The following CEP350 variants were observed in gnomAD, a reference collection of about 807,000 sequenced individuals.
The protein encoded by CEP350 is centrosome-associated protein 350.
Under a neutral mutation model 331.8 loss-of-function variants are expected in CEP350, and 126 were observed. The ratio of observed to expected loss-of-function variants is 0.38; its 90% CI spans 0.33 to 0.44. The LOEUF (loss-of-function observed/expected upper bound fraction) is 0.44. Among genes scored for constraint, CEP350 ranks in the 20% least tolerant of loss-of-function variants. CEP350 has a pLI of 1.00. For synonymous variants in CEP350, 1,200 were observed against 1,259.5 expected (o/e 0.95, Z 1.00); for missense variants, 3,406 against 3,634.6 (o/e 0.94, Z 1.62).
intron 25 of CEP350, among the ~76,000 whole-genome samples, chr1:180,056,237 G>A (rs1657831469): frequency 6.6e-6 from 1 of 151,858 alleles, no homozygotes; most frequent in Non-Finnish European, 1.5e-5. Flanking sequence ...ATTATTTACT[G>A]CTTTCCATTG....
chr1:180,094,647 A>G, intron 34 of CEP350, 31 bp downstream of exon 34: 2 of 1,588,494 alleles, frequency 1.3e-6, no homozygotes, highest in South Asian at 2.3e-5. Context: ...AAGTATCAGT[A>G]TACCTTTTGA....
At chr1:180,086,017 G>A (rs149112085) in intron 31 of CEP350, 104 of 152,300 alleles carry the variant, frequency 6.8e-4, no homozygotes, top group African/African-American at 2.4e-3. Context: ...CTCATAAATG[G>A]TGAAACTAGG....
rs1231477551 is a variant in CEP350, at chr1:180,112,948, ATGT to A, written c.*1791_*1793del. The stretch of plus-strand genomic sequence containing the variant: ...CTTGACAAATAAGGAAAGCACTGAA[ATGT>A]TGTGATTGGGTCTCGGGAAATGCTC... On this transcript the variant is annotated 3_prime_UTR_variant, in exon 38 of 38. Coordinates refer to ENST00000367607, the MANE Select transcript of CEP350 (RefSeq NM_014810.5). 1.3e-5 allele frequency: 2 copies of A among 152,620 alleles called. No homozygotes were observed. The highest frequency in any genetic ancestry group is 4.8e-5 in the African/African-American group (2 of 41,436). The allele number at this position is 152,620 out of a possible 1,614,324, so 9.5% of individuals were successfully genotyped here.
chr1:180,050,688 A>C (rs950331588), intron 22 of CEP350, among the ~76,000 whole-genome samples: 2 of 148,792 alleles, frequency 1.3e-5, no homozygotes, highest in African/African-American at 2.5e-5. Context: ...AAAAAAAAAA[A>C]AACAAAAAAA....
intron 11 of CEP350, among the ~76,000 whole-genome samples, chr1:180,019,310 C>T (rs1558104324): frequency 6.6e-6 from 1 of 152,094 alleles, no homozygotes; most frequent in Non-Finnish European, 1.5e-5. Flanking sequence ...TTAATGGATA[C>T]CCTACCCTGT....
chr1:180,074,942 G>A, intron 27 of CEP350, 80 bp from the exon 28 acceptor site: 1 of 1,203,974 alleles, frequency 8.3e-7, no homozygotes. Context: ...TGTTGATAAG[G>A]TGGTGAGTGA....
intron 29 of CEP350, 128 bp from the exon 30 acceptor site, chr1:180,080,389 C>A: frequency 2.5e-6 from 2 of 785,280 alleles, no homozygotes; most frequent in East Asian, 2.8e-5. Context: ...ACTTTTTTCA[C>A]TTATGTCTTA....
chr1:180,041,074 G>T (rs1265626111), intron 17 of CEP350, 64 bp from the exon 18 acceptor site: 3 of 1,184,948 alleles, frequency 2.5e-6, no homozygotes, highest in Non-Finnish European at 3.7e-6. Flanking sequence ...CATTGTGTGT[G>T]TTATAGTCAC....
chr1:180,044,941 A>G (rs1458843456), intron 21 of CEP350, among the ~76,000 whole-genome samples: 1 of 151,908 alleles, frequency 6.6e-6, no homozygotes, highest in Non-Finnish European at 1.5e-5. Flanking sequence ...ATAATGATAC[A>G]TCAAGGAATT....
chr1:179,979,377 G>T lies in CEP350; in HGVS notation c.-13-6792G>T, dbSNP rs147937512. Among the ~76,000 whole-genome samples the T allele has an allele frequency of 5.9e-3, 804 of 136,712 alleles. 2 individuals are homozygous for T. The highest frequency in any genetic ancestry group is 0.033 in the Middle Eastern group (9 of 272). The allele number at this position is 136,712 out of a possible 152,430, so 89.7% of individuals were successfully genotyped here. On this transcript the variant is annotated intron_variant, in intron 1 of 37. Transcript: ENST00000367607. ...ATTTGTGTTTGCCCATTTTTAATTAGATTATTTGGGGTGTTTTTTTTTTTT... is the reference window on the plus strand; with the variant it reads ...ATTTGTGTTTGCCCATTTTTAATTATATTATTTGGGGTGTTTTTTTTTTTT...
intron 27 of CEP350, among the ~76,000 whole-genome samples, chr1:180,071,146 CAAAAAAA>C (rs57487170): frequency 6.3e-5 from 4 of 63,246 alleles, no homozygotes; most frequent in African/African-American, 1.2e-4. Context: ...GACTCCATCT[CAAAAAAA>C]AAAAAAAAAA....
At chr1:180,060,341 G>C (rs12138201) in intron 25 of CEP350, among the ~76,000 whole-genome samples, 18,841 of 152,078 alleles carry the variant, frequency 0.12, 1,235 homozygotes, top group South Asian at 0.16. Context: ...GAAAAATAAA[G>C]AACAACCTTA....
intron 33 of CEP350, among the ~76,000 whole-genome samples, chr1:180,091,183 T>A (rs1411245601): frequency 1.6e-5 from 2 of 127,952 alleles, no homozygotes; most frequent in Admixed American, 7.7e-5. Context: ...CCAGCTCATC[T>A]TTTTTTTTTT....
intron 5 of CEP350, among the ~76,000 whole-genome samples, chr1:179,992,711 A>G: frequency 6.6e-6 from 1 of 152,150 alleles, no homozygotes; most frequent in Non-Finnish European, 1.5e-5. Context: ...AGCAACTTAG[A>G]TGTTCAAGAT....
In CEP350 at chr1:180,035,466, T is replaced by C. The variant is rs78354282; in HGVS notation, c.3946+1384T>C. Among the ~76,000 whole-genome samples, 736 of 152,268 alleles carry C rather than the reference T, an allele frequency of 4.8e-3. 4 individuals carry two copies. Among genetic ancestry groups the C allele is most frequent in the African/African-American group, 0.017 (716 of 41,560 alleles). On this transcript the variant is annotated intron_variant, in intron 16 of 37. Transcript: ENST00000367607. ...CTTCAAAGGATGAGCTGACTGTCTA[T>C]TTAGGGGTTAATACAGCTGATGACT...
chr1:180,102,379 A>T (rs1385833243), intron 37 of CEP350, among the ~76,000 whole-genome samples: 1 of 152,042 alleles, frequency 6.6e-6, no homozygotes, highest in African/African-American at 2.4e-5. Flanking sequence ...CAGGTGATCC[A>T]CCTGTCTCGG....
chr1:180,062,265 GA>G lies in CEP350; in HGVS notation c.5311del (p.Arg1771AspfsTer3). The G allele has an allele frequency of 6.2e-7, 1 of 1,610,364 alleles. No homozygotes were observed. The highest frequency in any genetic ancestry group is 8.5e-7 in the Non-Finnish European group (1 of 1,178,112). On this transcript the variant is annotated frameshift_variant, in exon 26 of 38. Coordinates refer to ENST00000367607, the MANE Select transcript of CEP350 (RefSeq NM_014810.5). LOFTEE classifies it high-confidence loss of function. Reference sequence around the variant, plus strand: ...AGAAGCCAATAAGGCAGCTCGGAAGGAAAGACAGCTGATTCTTAAACAGCAG... The same window carrying G: ...AGAAGCCAATAAGGCAGCTCGGAAGGAAGACAGCTGATTCTTAAACAGCAG... ...LQEANKAARK[E>X]RQLILKQQEE...
intron 14 of CEP350, among the ~76,000 whole-genome samples, chr1:180,025,135 AG>A (rs1655585539): frequency 1.3e-5 from 2 of 152,250 alleles, no homozygotes; most frequent in Admixed American, 1.3e-4. Context: ...CATGTTAGCC[AG>A]GATGGTCTCG....
chr1:179,989,225 C>G (rs1178515192), intron 3 of CEP350, among the ~76,000 whole-genome samples: 1 of 151,370 alleles, frequency 6.6e-6, no homozygotes, highest in Non-Finnish European at 1.5e-5. Context: ...GGCTGAGGCA[C>G]GTCAATCACT....
Sources: allele counts gnomAD v4.1 joint callset (sites outside exome capture counted in the v4.1 genomes callset), GRCh38; gene constraint gnomAD v4.1.1; transcripts MANE v1.5; gene names NCBI Gene and HGNC (gene_info 2026-07-23, HGNC 2026-07-21).